The following TNPO1 variants were observed in gnomAD, a reference collection of about 807,000 sequenced individuals.
The protein encoded by TNPO1 is transportin 1.
In TNPO1, 8 loss-of-function variants were observed where a neutral mutation model predicts 119.5. That is an observed-to-expected ratio of 0.07 (90% CI 0.04 to 0.12). The LOEUF is 0.12. TNPO1 is among the 10% of genes least tolerant of loss of function. The probability of loss-of-function intolerance (pLI) is 1.00; values close to 1 mark genes in which losing one functional copy is unlikely to be tolerated. For missense variants in TNPO1, 576 were observed against 1,089.8 expected, an observed-to-expected ratio of 0.53 and a Z score of 6.64; for synonymous variants, 362 against 363.0, an observed-to-expected ratio of 1.00 and a Z score of 0.03.
At chr5:72,872,421 A>T (rs1410038734) in intron 6 of TNPO1, among the ~76,000 whole-genome samples, 1 of 152,094 alleles carries the variant, frequency 6.6e-6, no homozygotes, top group African/African-American at 2.4e-5. Context: ...AACATTTTTC[A>T]GTTGCTTAGA....
At chr5:72,872,748 AC>A in intron 7 of TNPO1, 28 bp downstream of exon 7, 13 of 1,494,864 alleles carry the variant, frequency 8.7e-6, no homozygotes, top group African/African-American at 1.4e-5. Context: ...CTCCCTCCCA[AC>A]CCCCCAGCTT....
In TNPO1 at chr5:72,874,967, C is replaced by T. The variant is rs192782954; in HGVS notation, c.679-648C>T. On this transcript the variant is annotated intron_variant, in intron 7 of 24. Coordinates refer to ENST00000337273, the MANE Select transcript of TNPO1 (RefSeq NM_002270.4). Reference sequence around the variant, plus strand: ...GTGTAGGGAAATGAGTGTGTGAACTCTGATTCCATGAAAGCCAGATTCAGA... The same window carrying T: ...GTGTAGGGAAATGAGTGTGTGAACTTTGATTCCATGAAAGCCAGATTCAGA... Among the ~76,000 whole-genome samples, 304 of 151,990 alleles carry T rather than the reference C, an allele frequency of 2.0e-3. 3 individuals carry two copies. The highest frequency in any genetic ancestry group is 7.1e-3 in the African/African-American group (294 of 41,438).
Position 72,899,987 on chromosome 5 carries a change from C to T in TNPO1, c.2339-19C>T, listed in dbSNP as rs774888292. On this transcript the variant is annotated intron_variant, in intron 20 of 24. Transcript: ENST00000337273. ...TGGTTGGCGTTTGGTGGTGTATAAC[C>T]GTGATTGCGTTACCTTAGCAATAAC... 3.1e-6 allele frequency: 5 copies of T among 1,612,146 alleles called. No homozygotes were observed. The highest frequency in any genetic ancestry group is 1.3e-5 in the African/African-American group (1 of 74,832).
At chr5:72,865,194 C>A (rs1023558825) in intron 5 of TNPO1, among the ~76,000 whole-genome samples, 1 of 152,084 alleles carries the variant, frequency 6.6e-6, no homozygotes, top group Non-Finnish European at 1.5e-5. Context: ...GTAATCCCAG[C>A]ACTTTGGGAG....
At chr5:72,892,154 A>C (rs1749109159) in intron 15 of TNPO1, among the ~76,000 whole-genome samples, 1 of 152,032 alleles carries the variant, frequency 6.6e-6, no homozygotes, top group Non-Finnish European at 1.5e-5. Flanking sequence ...ACATACTGGG[A>C]GGATATATAT....
chr5:72,838,233 C>A (rs1300200324), intron 1 of TNPO1, among the ~76,000 whole-genome samples: 4 of 152,166 alleles, frequency 2.6e-5, no homozygotes, highest in Admixed American at 1.3e-4. Context: ...ATACATTATA[C>A]TTAATAAAGG....
chr5:72,821,332 C>T (rs1743948696), intron 1 of TNPO1, among the ~76,000 whole-genome samples: 1 of 152,018 alleles, frequency 6.6e-6, no homozygotes, highest in African/African-American at 2.4e-5. Flanking sequence ...GATAAGATTC[C>T]ACCACTTTTG....
chr5:72,886,541 A>T (rs1357115586), intron 11 of TNPO1, among the ~76,000 whole-genome samples: 1 of 152,218 alleles, frequency 6.6e-6, no homozygotes, highest in Non-Finnish European at 1.5e-5. Flanking sequence ...TATGTACAGA[A>T]TACAATGTGT....
chr5:72,857,618 G>C (rs548829525), intron 4 of TNPO1, among the ~76,000 whole-genome samples: 2 of 152,218 alleles, frequency 1.3e-5, no homozygotes, highest in Non-Finnish European at 2.9e-5. Context: ...ATCTCCATAC[G>C]TAAGTGGAAT....
At chr5:72,894,402 C>T (rs59211088) in intron 18 of TNPO1, among the ~76,000 whole-genome samples, 22,217 of 150,862 alleles carry the variant, frequency 0.15, 1,851 homozygotes, top group East Asian at 0.35. Flanking sequence ...CCGGGCACGG[C>T]GGCTCAGACC....
At chr5:72,831,833 AG>A (rs976914738) in intron 1 of TNPO1, among the ~76,000 whole-genome samples, 2 of 152,018 alleles carry the variant, frequency 1.3e-5, no homozygotes, top group African/African-American at 4.8e-5. Context: ...AGTTGCTCTA[AG>A]TACATTAATT....
At chr5:72,882,628 G>A (rs1748328210) in intron 10 of TNPO1, 101 bp downstream of exon 10, 3 of 741,088 alleles carry the variant, frequency 4.0e-6, no homozygotes, top group African/African-American at 1.8e-5. Flanking sequence ...TAGATCTCCT[G>A]TAAATAGACT....
rs1209439743 is a variant in TNPO1, at chr5:72,901,003, A to G, written c.2444A>G (p.Asn815Ser). 2 of 1,611,956 alleles carry G rather than the reference A, an allele frequency of 1.2e-6. No individual in the cohort carries two copies. The highest frequency in any genetic ancestry group is 1.7e-6 in the Non-Finnish European group (2 of 1,179,306). Residue 815 changes from asparagine (N) to serine (S), a missense_variant, in exon 22 of 25, where the codon AAT becomes AGT. Transcript: ENST00000337273. ...ACCTCTCTGAGAAACATAAGAGACAATGAGGAAAAGGATTCAGCATTCCGT... is the reference window on the plus strand; with the variant it reads ...ACCTCTCTGAGAAACATAAGAGACAGTGAGGAAAAGGATTCAGCATTCCGT... The part of the protein sequence containing the change: ...WCTSLRNIRD[N>S]EEKDSAFRGI...
At chr5:72,858,332 A>G (rs1746159326) in intron 4 of TNPO1, among the ~76,000 whole-genome samples, 1 of 152,144 alleles carries the variant, frequency 6.6e-6, no homozygotes, top group Non-Finnish European at 1.5e-5. Flanking sequence ...ATGTATGTGA[A>G]ATTTTCTATT....
intron 12 of TNPO1, among the ~76,000 whole-genome samples, chr5:72,887,515 C>T (rs1422225603): frequency 6.6e-6 from 1 of 152,040 alleles, no homozygotes; most frequent in African/African-American, 2.4e-5. Context: ...GGCGAAACCA[C>T]GTCTGCTAAA....
At chr5:72,877,400 C>G in intron 9 of TNPO1, 54 bp downstream of exon 9, 1 of 825,152 alleles carries the variant, frequency 1.2e-6, no homozygotes, top group South Asian at 2.4e-5. Flanking sequence ...TTAAGTGATT[C>G]TTCATTTTCA....
intron 6 of TNPO1, among the ~76,000 whole-genome samples, chr5:72,867,118 G>C (rs1339274251): frequency 6.6e-6 from 1 of 151,686 alleles, no homozygotes; most frequent in Non-Finnish European, 1.5e-5. Flanking sequence ...GGAATTCAAG[G>C]CTGCAGTGAG....
intron 2 of TNPO1, among the ~76,000 whole-genome samples, chr5:72,849,121 C>A (rs1393071130): frequency 6.6e-6 from 1 of 152,148 alleles, no homozygotes; most frequent in Non-Finnish European, 1.5e-5. Flanking sequence ...GTGTTAACAC[C>A]TGTTGCGAAC....
intron 22 of TNPO1, 110 bp from the exon 23 acceptor site, chr5:72,903,599 C>CT: frequency 2.9e-6 from 2 of 697,510 alleles, no homozygotes; most frequent in Non-Finnish European, 4.8e-6. Flanking sequence ...TAAATGTTTC[C>CT]TTTTTTAAGC....
Sources: allele counts gnomAD v4.1 joint callset (sites outside exome capture counted in the v4.1 genomes callset), GRCh38; gene constraint gnomAD v4.1.1; transcripts MANE v1.5; gene names NCBI Gene and HGNC (gene_info 2026-07-23, HGNC 2026-07-21).